The following NCKAP5 variants were observed in gnomAD, a reference collection of about 807,000 sequenced individuals.
The protein encoded by NCKAP5 is NCK associated protein 5, also known as nck-associated protein 5.
A neutral mutation model predicts 167.0 loss-of-function variants in NCKAP5; 92 were observed. The ratio of observed to expected loss-of-function variants is 0.55; its 90% CI spans 0.47 to 0.66. NCKAP5 has a LOEUF of 0.66. Among genes scored for constraint, NCKAP5 ranks in the 30% least tolerant of loss-of-function variants. The pLI, the probability that NCKAP5 is intolerant of heterozygous loss-of-function variation, is 0.00. For missense variants in NCKAP5, 2,378 were observed against 2,315.0 expected (o/e 1.03, Z -0.56); for synonymous variants, 891 against 877.4 (o/e 1.02, Z -0.27).
At chr2:133,027,067 A>C (rs2078722665) in intron 6 of NCKAP5, among the ~76,000 whole-genome samples, 1 of 152,170 alleles carries the variant, frequency 6.6e-6, no homozygotes, top group African/African-American at 2.4e-5. Flanking sequence ...TGCATCAGGG[A>C]GGGCAAGACA....
At chr2:133,412,896 A>C (rs1007044256) in intron 3 of NCKAP5, among the ~76,000 whole-genome samples, 5 of 152,228 alleles carry the variant, frequency 3.3e-5, no homozygotes, top group Non-Finnish European at 7.3e-5. Context: ...CAAACAAATA[A>C]ATATCTTGGG....
chr2:133,526,535 G>A (rs1684942513), intron 2 of NCKAP5, among the ~76,000 whole-genome samples: 1 of 152,142 alleles, frequency 6.6e-6, no homozygotes, highest in South Asian at 2.1e-4. Context: ...GGTGTTGCCA[G>A]CTGATTTCCA....
chr2:133,438,818 T>C (rs558266289), intron 3 of NCKAP5, among the ~76,000 whole-genome samples: 19 of 152,352 alleles, frequency 1.2e-4, no homozygotes, highest in Middle Eastern at 6.8e-3. Flanking sequence ...TATTTTGTTC[T>C]ATCCTATGTT....
intron 3 of NCKAP5, among the ~76,000 whole-genome samples, chr2:133,431,229 T>C (rs1023571668): frequency 1.3e-5 from 2 of 152,158 alleles, no homozygotes; most frequent in African/African-American, 2.4e-5. Context: ...ATAATTCCCC[T>C]GAAAGCAAAT....
At chr2:132,681,576 T>A (rs1356380296) in intron 19 of NCKAP5, among the ~76,000 whole-genome samples, 1 of 151,874 alleles carries the variant, frequency 6.6e-6, no homozygotes, top group East Asian at 1.9e-4. Flanking sequence ...AAGAAAAAAA[T>A]AATTTTTTTG....
intron 4 of NCKAP5, among the ~76,000 whole-genome samples, chr2:133,290,727 CCTTT>C (rs1159640755): frequency 1.1e-5 from 1 of 90,508 alleles, no homozygotes; most frequent in Non-Finnish European, 2.1e-5. Flanking sequence ...AAGAATTTCT[CCTTT>C]TTTTTTTTTT....
At chr2:133,176,310 T>C (rs1252138853) in intron 5 of NCKAP5, among the ~76,000 whole-genome samples, 1 of 152,268 alleles carries the variant, frequency 6.6e-6, no homozygotes, top group East Asian at 1.9e-4. Flanking sequence ...AACACTGTGA[T>C]TTATTTTATA....
At chr2:133,380,279 C>G (rs1037759375) in intron 3 of NCKAP5, among the ~76,000 whole-genome samples, 1 of 151,924 alleles carries the variant, frequency 6.6e-6, no homozygotes, top group East Asian at 1.9e-4. Context: ...TTTTCACTTT[C>G]TATTTAATGC....
the NCKAP5 span, among the ~76,000 whole-genome samples, chr2:133,593,333 A>G: frequency 2.6e-5 from 4 of 152,158 alleles, no homozygotes; most frequent in South Asian, 6.2e-4. Context: ...TGTGCACTAT[A>G]GATAAGGGGC....
Position 133,332,897 on chromosome 2 carries a change from A to G in NCKAP5, c.70-29787T>C, listed in dbSNP as rs113385461. ...GGGTTAGACACCAGAGCTGTGGACT[A>G]AGCCCTTCACGGGCAAATCCATCAC... On this transcript the variant is annotated intron_variant, in intron 3 of 19. Coordinates refer to ENST00000409261, the MANE Select transcript of NCKAP5 (RefSeq NM_207363.3). Among the ~76,000 whole-genome samples the G allele has an allele frequency of 8.9e-3, 1,360 of 152,368 alleles. 23 individuals carry two copies. Among genetic ancestry groups the G allele is most frequent in the African/African-American group, 0.029 (1,204 of 41,598 alleles).
intron 7 of NCKAP5, among the ~76,000 whole-genome samples, chr2:132,986,369 C>A (rs1280397553): frequency 6.6e-6 from 1 of 152,072 alleles, no homozygotes; most frequent in Non-Finnish European, 1.5e-5. Context: ...CAAGAGGAAT[C>A]AAAATGATCT....
intron 6 of NCKAP5, among the ~76,000 whole-genome samples, chr2:133,035,606 A>G (rs989004751): frequency 6.6e-6 from 1 of 152,022 alleles, no homozygotes; most frequent in African/African-American, 2.4e-5. Flanking sequence ...AATGAGAGGA[A>G]TTTTGGAAAC....
intron 3 of NCKAP5, among the ~76,000 whole-genome samples, chr2:133,516,460 G>A (rs1037742089): frequency 6.6e-6 from 1 of 152,174 alleles, no homozygotes; most frequent in African/African-American, 2.4e-5. Flanking sequence ...TGACTAAGGA[G>A]AGAAGAACTT....
intron 6 of NCKAP5, among the ~76,000 whole-genome samples, chr2:133,090,229 G>T (rs1014389620): frequency 1.4e-5 from 2 of 141,204 alleles, no homozygotes; most frequent in Middle Eastern, 3.5e-3. Flanking sequence ...AAAAAAAAAA[G>T]AAAAGTCTAA....
chr2:132,970,323 T>C (rs900228458), intron 7 of NCKAP5, among the ~76,000 whole-genome samples: 4 of 152,310 alleles, frequency 2.6e-5, no homozygotes, highest in Admixed American at 2.6e-4. Flanking sequence ...AAATGTGTAG[T>C]GCTAAATACT....
chr2:132,747,736 T>C (rs1437591893), intron 16 of NCKAP5, among the ~76,000 whole-genome samples: 7 of 152,230 alleles, frequency 4.6e-5, no homozygotes, highest in Admixed American at 2.6e-4. Flanking sequence ...TTGTTGATTA[T>C]TTACTACTGG....
intron 8 of NCKAP5, among the ~76,000 whole-genome samples, chr2:132,889,166 AG>A (rs572789687): frequency 1.0e-3 from 154 of 152,314 alleles, no homozygotes; most frequent in South Asian, 2.3e-3. Context: ...GGAGTGAAGG[AG>A]CCATCTTGGA....
chr2:132,797,644 C>A (rs1158579306), intron 11 of NCKAP5, among the ~76,000 whole-genome samples: 9 of 152,194 alleles, frequency 5.9e-5, no homozygotes, highest in Admixed American at 5.9e-4. Context: ...TTTTTCTACT[C>A]CTTTTTCTCC....
At chr2:133,049,222 C>A (rs931052135) in intron 6 of NCKAP5, among the ~76,000 whole-genome samples, 3 of 152,130 alleles carry the variant, frequency 2.0e-5, no homozygotes, top group African/African-American at 7.2e-5. Flanking sequence ...TGTATGTTCT[C>A]AAGTCCAGCA....
Sources: gnomAD v4.1 joint callset for allele counts (sites outside exome capture counted in the v4.1 genomes callset) on GRCh38, gnomAD v4.1.1 for gene constraint, MANE v1.5 for transcripts, NCBI Gene and HGNC (gene_info 2026-07-23, HGNC 2026-07-21) for gene names.